PUM2: variants seen among roughly 807,000 people sequenced by gnomAD.
The protein encoded by PUM2 is pumilio RNA binding family member 2, also known as pumilio homolog 2.
In PUM2, 57 loss-of-function variants were observed where a neutral mutation model predicts 124.5. That is an observed-to-expected ratio of 0.46 (90% CI 0.37 to 0.57). The LOEUF is 0.57. Ranked by LOEUF, PUM2 falls within the 20% of genes least tolerant of loss-of-function variation. The pLI, the probability that PUM2 is intolerant of heterozygous loss-of-function variation, is 0.00. For missense variants in PUM2, 1,065 were observed against 1,290.6 expected, an observed-to-expected ratio of 0.83 and a Z score of 2.68; for synonymous variants, 460 against 446.1, an observed-to-expected ratio of 1.03 and a Z score of -0.39.
intron 7 of PUM2, 121 bp from the exon 8 acceptor site, chr2:20,297,799 A>C: frequency 9.9e-7 from 1 of 1,011,800 alleles, no homozygotes; most frequent in Admixed American, 2.8e-5. Context: ...AGTGTGCATA[A>C]TGGTTCAAAT....
chr2:20,310,593 T>C (rs968810917), intron 5 of PUM2, among the ~76,000 whole-genome samples: 1 of 152,070 alleles, frequency 6.6e-6, no homozygotes, highest in African/African-American at 2.4e-5. Context: ...AGAGGTTTAC[T>C]GGTTTTGGAT....
chr2:20,274,465 T>G (rs1302783782), intron 13 of PUM2, among the ~76,000 whole-genome samples: 1 of 152,108 alleles, frequency 6.6e-6, no homozygotes, highest in Non-Finnish European at 1.5e-5. Flanking sequence ...AACAGAATGA[T>G]TCTAAAAATT....
intron 15 of PUM2, among the ~76,000 whole-genome samples, chr2:20,259,827 A>G (rs567339563): frequency 3.3e-5 from 5 of 152,282 alleles, no homozygotes; most frequent in South Asian, 2.1e-4. Context: ...TGGTGATTCA[A>G]TATTTAATTT....
Position 20,251,501 on chromosome 2 carries a change from TAGTTG to T in PUM2, c.*79_*83del, listed in dbSNP as rs1302828560. 8.4e-6 allele frequency: 12 copies of T among 1,436,096 alleles called. No individual in the cohort carries two copies. Among genetic ancestry groups the T allele is most frequent in the Middle Eastern group, 1.8e-4 (1 of 5,488 alleles). 89.0% of individuals were successfully genotyped at this position (1,436,096 alleles called of 1,614,324 possible). On this transcript the variant is annotated 3_prime_UTR_variant, in exon 21 of 21. Coordinates refer to ENST00000361078, the MANE Select transcript of PUM2 (RefSeq NM_015317.5). ...GCTTTAAAAAAAAATTGAAGATTCA[TAGTTG>T]AGTTGTGTTTTGATAATTCACACAC... is the stretch of plus-strand genomic sequence containing the variant.
intron 12 of PUM2, among the ~76,000 whole-genome samples, chr2:20,282,707 G>T (rs1250722382): frequency 6.6e-6 from 1 of 152,050 alleles, no homozygotes; most frequent in East Asian, 1.9e-4. Flanking sequence ...AATTCCTAGA[G>T]CCAGGGAAAA....
At chr2:20,313,700 C>T (rs998206517) in intron 3 of PUM2, among the ~76,000 whole-genome samples, 4 of 151,702 alleles carry the variant, frequency 2.6e-5, no homozygotes, top group Non-Finnish European at 4.4e-5. Flanking sequence ...CATGGCAGCA[C>T]AGGTCTGTAG....
chr2:20,257,285 G>A (rs1434206551), intron 16 of PUM2, among the ~76,000 whole-genome samples: 1 of 151,906 alleles, frequency 6.6e-6, no homozygotes, highest in African/African-American at 2.4e-5. Flanking sequence ...AATTTCCTCT[G>A]GAGGAATAAT....
In PUM2 at chr2:20,350,760, C is replaced by A. The variant is rs1689218670; in HGVS notation, c.-182G>T. 1.0e-6 allele frequency: 1 copy of A among 979,886 alleles called. No homozygotes were observed. The highest frequency in any genetic ancestry group is 1.2e-6 in the Non-Finnish European group (1 of 826,638). The allele number at this position is 979,886 out of a possible 1,614,324, so 60.7% of individuals were successfully genotyped here. ...CACCCCACCTCCTCCTTCTCCTCCC[C>A]CTCCTCCTCCGAACCACCGAAGTAC... On this transcript the variant is annotated 5_prime_UTR_variant, in exon 1 of 21. Transcript: ENST00000361078.
At chr2:20,274,690 T>A (rs1008331845) in intron 13 of PUM2, among the ~76,000 whole-genome samples, 1 of 151,580 alleles carries the variant, frequency 6.6e-6, no homozygotes, top group Non-Finnish European at 1.5e-5. Context: ...AGTTCAAAAA[T>A]GAAGAGGTAC....
intron 8 of PUM2, among the ~76,000 whole-genome samples, chr2:20,295,144 A>T (rs986268664): frequency 6.6e-5 from 10 of 152,330 alleles, no homozygotes; most frequent in Admixed American, 3.3e-4. Context: ...AGATAATATA[A>T]GCAGAAAGAA....
At chr2:20,336,489 AAAAAGTGGTTCTAAAGTT>A (rs1425343328) in intron 1 of PUM2, among the ~76,000 whole-genome samples, 1 of 151,828 alleles carries the variant, frequency 6.6e-6, no homozygotes, top group Non-Finnish European at 1.5e-5. Flanking sequence ...TGCCTGGCCT[AAAAAGTGGTTCTAAAGTT>A]AAAGATATAA....
intron 13 of PUM2, among the ~76,000 whole-genome samples, chr2:20,278,131 T>C (rs1180066841): frequency 1.3e-5 from 2 of 152,166 alleles, no homozygotes; most frequent in African/African-American, 2.4e-5. Flanking sequence ...TCAAATTCAC[T>C]GAAATAATTA....
At chr2:20,275,000 G>C (rs995973971) in intron 13 of PUM2, among the ~76,000 whole-genome samples, 3 of 90,388 alleles carry the variant, frequency 3.3e-5, no homozygotes, top group Non-Finnish European at 6.8e-5. Context: ...CCTAGACAAT[G>C]ATGTATAAAA....
intron 1 of PUM2, among the ~76,000 whole-genome samples, chr2:20,347,433 A>G (rs987433053): frequency 2.0e-5 from 3 of 152,224 alleles, no homozygotes; most frequent in African/African-American, 4.8e-5. Context: ...ATGAAACTCA[A>G]AGAAAAAGCA....
At chr2:20,333,837 T>C (rs796945373) in intron 1 of PUM2, among the ~76,000 whole-genome samples, 3 of 152,234 alleles carry the variant, frequency 2.0e-5, no homozygotes, top group African/African-American at 7.2e-5. Context: ...GACTGGATCA[T>C]GGGGGCGGAG....
At chr2:20,289,684 G>A (rs924934361) in intron 10 of PUM2, among the ~76,000 whole-genome samples, 2 of 152,176 alleles carry the variant, frequency 1.3e-5, no homozygotes, top group Non-Finnish European at 2.9e-5. Flanking sequence ...AAGAATAAAT[G>A]TAATTGAAAT....
chr2:20,303,073 G>C (rs1453686422), intron 7 of PUM2, among the ~76,000 whole-genome samples: 1 of 152,148 alleles, frequency 6.6e-6, no homozygotes, highest in South Asian at 2.1e-4. Flanking sequence ...ATCCCCTAAG[G>C]CCTTTCTAAT....
intron 4 of PUM2, 139 bp from the exon 5 acceptor site, chr2:20,311,802 T>C: frequency 9.7e-7 from 1 of 1,033,138 alleles, no homozygotes; most frequent in Non-Finnish European, 1.3e-6. Flanking sequence ...AGTCAATTAA[T>C]TTATCAAAGG....
At chr2:20,253,787 AC>A (rs1425302095) in intron 20 of PUM2, 34 bp downstream of exon 20, 2 of 1,553,760 alleles carry the variant, frequency 1.3e-6, no homozygotes. Flanking sequence ...AAACACAAAG[AC>A]AAACAGTTAT....
Sources: allele counts gnomAD v4.1 joint callset (sites outside exome capture counted in the v4.1 genomes callset), GRCh38; gene constraint gnomAD v4.1.1; transcripts MANE v1.5; gene names NCBI Gene and HGNC (gene_info 2026-07-23, HGNC 2026-07-21).